Variants in DISC1 observed in about 807,000 individuals in gnomAD.
DISC1 encodes the protein disrupted in schizophrenia 1 protein.
Under a neutral mutation model 84.5 loss-of-function variants are expected in DISC1, and 57 were observed. The ratio of observed to expected loss-of-function variants is 0.67; its 90% CI spans 0.55 to 0.84. DISC1 has a LOEUF of 0.84. Among genes scored for constraint, DISC1 ranks in the 40% least tolerant of loss-of-function variants. The pLI is 0.00. For missense variants in DISC1, 1,000 were observed against 1,057.8 expected, an observed-to-expected ratio of 0.95 and a Z score of 0.76; for synonymous variants, 411 against 415.2, an observed-to-expected ratio of 0.99 and a Z score of 0.12.
chr1:232,009,247 A>C lies in DISC1; in HGVS notation c.2307+198A>C. 7.2e-7 allele frequency: 1 copy of C among 1,387,870 alleles called. No homozygotes were observed. The highest frequency in any genetic ancestry group is 9.3e-7 in the Non-Finnish European group (1 of 1,073,410). 86.0% of individuals were successfully genotyped at this position (1,387,870 alleles called of 1,614,324 possible). The stretch of plus-strand genomic sequence containing the variant: ...GAAGTTTGAAATATAGAAGAGCAAA[A>C]AAACCCAACTTTTGGCATATTTAGT... On this transcript the variant is annotated intron_variant, in intron 11 of 12. Transcript: ENST00000439617. The surrounding 1 kb of genome is among the most constrained non-coding windows in gnomAD (Gnocchi z 4.6).
In DISC1 at chr1:231,750,055, T is replaced by G; in HGVS notation, c.1247T>G (p.Leu416Trp). The change falls in exon 4 of 13, where the codon TTG (leucine) becomes TGG (tryptophan). Residue 416 changes from leucine (L) to tryptophan (W), a missense_variant. Leu to Trp is a moderately conservative substitution (Grantham distance 61, BLOSUM62 -2). Coordinates refer to ENST00000439617, the MANE Select transcript of DISC1 (RefSeq NM_018662.3). ...CTGGCAGCACAAGTCCAGGCTGCCT[T>G]GCGCCGTGGGGCCACTCAGCAGTGA... Reference protein sequence around the residue: ...GHLAAQVQAALRRGATQQASG... With the variant: ...GHLAAQVQAAWRRGATQQASG... 6.2e-6 allele frequency: 10 copies of G among 1,614,110 alleles called. No individual in the cohort carries two copies. Among genetic ancestry groups the G allele is most frequent in the Non-Finnish European group, 8.5e-6 (10 of 1,179,988 alleles).
At chr1:231,820,660 T>C (rs554273890) in intron 9 of DISC1, among the ~76,000 whole-genome samples, 69 of 152,322 alleles carry the variant, frequency 4.5e-4, no homozygotes, top group Middle Eastern at 3.4e-3. Flanking sequence ...CCAACCTGGC[T>C]GACCCAGCCA....
chr1:231,842,452 T>C lies in DISC1; in HGVS notation c.1981+23935T>C, dbSNP rs192901886. Among the ~76,000 whole-genome samples, 5 of 152,346 alleles carry C rather than the reference T, an allele frequency of 3.3e-5. No individual in the cohort carries two copies. In the East Asian group the frequency reaches 9.6e-4, roughly 29 times the overall value. ...GAGTGAGACTTGTGGAGTATGGTAT[T>C]TCAAAGTATTATTTATCCAACAGTC... On this transcript the variant is annotated intron_variant, in intron 9 of 12. Coordinates refer to ENST00000439617, the MANE Select transcript of DISC1 (RefSeq NM_018662.3).
At chr1:231,701,169 A>G (rs937729696) in intron 2 of DISC1, among the ~76,000 whole-genome samples, 2 of 152,208 alleles carry the variant, frequency 1.3e-5, no homozygotes, top group Non-Finnish European at 2.9e-5. Flanking sequence ...AGTGGCAGGC[A>G]AGAGGGCGCT....
At position 231,810,736 on chromosome 1, in the gene DISC1, T is replaced by C. The variant is rs567569372; in HGVS notation, c.1793-7593T>C. ...TCCTGTGTGCTTGGTCAGGGGACCA[T>C]ATTTGGCTTTCTCTGGTGGGTCCTA... On this transcript the variant is annotated intron_variant, in intron 8 of 12. Coordinates refer to ENST00000439617, the MANE Select transcript of DISC1 (RefSeq NM_018662.3). Among the ~76,000 whole-genome samples, 4 of 152,304 alleles carry C rather than the reference T, an allele frequency of 2.6e-5. No individual in the cohort carries two copies. In the East Asian group the frequency reaches 7.7e-4, roughly 29 times the overall value.
At chr1:231,836,005 C>T (rs377578197) in intron 9 of DISC1, among the ~76,000 whole-genome samples, 50 of 152,224 alleles carry the variant, frequency 3.3e-4, no homozygotes, top group African/African-American at 1.1e-3. Flanking sequence ...AGGGAACTGC[C>T]GCAATTGAGA....
chr1:231,811,553 CA>C (rs2080293766), intron 8 of DISC1, among the ~76,000 whole-genome samples: 1 of 152,116 alleles, frequency 6.6e-6, no homozygotes, highest in Non-Finnish European at 1.5e-5. Flanking sequence ...AAGTATAGTT[CA>C]AATGTGGATA....
intron 9 of DISC1, among the ~76,000 whole-genome samples, chr1:231,894,745 TTGTGTGTG>T (rs3222846): frequency 2.5e-3 from 367 of 144,586 alleles, no homozygotes; most frequent in East Asian, 6.3e-3. Context: ...GTGTCATCTG[TTGTGTGTG>T]TGTGTGTGTG....
intron 8 of DISC1, among the ~76,000 whole-genome samples, chr1:231,808,718 T>C (rs1013429429): frequency 1.3e-5 from 2 of 152,228 alleles, no homozygotes; most frequent in African/African-American, 4.8e-5. Flanking sequence ...TTATATGTCT[T>C]TGTGGCTCTT....
chr1:231,965,697 A>C (rs1451860939), intron 10 of DISC1, among the ~76,000 whole-genome samples: 2 of 152,236 alleles, frequency 1.3e-5, no homozygotes, highest in Non-Finnish European at 2.9e-5. Flanking sequence ...CCTCATCTGC[A>C]CCAGGTGACT....
At chr1:231,964,701 T>C (rs1348979795) in intron 10 of DISC1, among the ~76,000 whole-genome samples, 1 of 152,244 alleles carries the variant, frequency 6.6e-6, no homozygotes, top group African/African-American at 2.4e-5. Context: ...CCACTGATAA[T>C]CTGTCACCTT....
At chr1:231,960,452 C>T (rs1660234087) in intron 10 of DISC1, among the ~76,000 whole-genome samples, 4 of 152,046 alleles carry the variant, frequency 2.6e-5, no homozygotes. Context: ...GGAGTTTCAC[C>T]ATGTTAGTCA....
At chr1:231,656,917 T>A (rs997702522) in intron 1 of DISC1, among the ~76,000 whole-genome samples, 31 of 152,304 alleles carry the variant, frequency 2.0e-4, no homozygotes, top group African/African-American at 5.5e-4. Flanking sequence ...TTCTGGAGGA[T>A]AATGGCTTCC....
intron 9 of DISC1, among the ~76,000 whole-genome samples, chr1:231,864,797 A>G (rs2125932698): frequency 6.6e-6 from 1 of 152,332 alleles, no homozygotes; most frequent in East Asian, 1.9e-4. Context: ...ATTCTTGTAT[A>G]TTGTTCCTTC....
At chr1:231,884,890 G>T (rs2086574347) in intron 9 of DISC1, among the ~76,000 whole-genome samples, 1 of 152,122 alleles carries the variant, frequency 6.6e-6, no homozygotes, top group Admixed American at 6.5e-5. Context: ...ATGGGGGAAA[G>T]AATGCATTTA....
At chr1:231,983,048 G>A (rs1462549221) in intron 10 of DISC1, among the ~76,000 whole-genome samples, 1 of 152,130 alleles carries the variant, frequency 6.6e-6, no homozygotes, top group Non-Finnish European at 1.5e-5. Context: ...TGAGATACAG[G>A]GTTTCCTGCC....
At chr1:231,845,053 G>A (rs964059684) in intron 9 of DISC1, among the ~76,000 whole-genome samples, 1 of 152,180 alleles carries the variant, frequency 6.6e-6, no homozygotes, top group Non-Finnish European at 1.5e-5. Flanking sequence ...CAGGTGGCAG[G>A]CTTCAGAGAG....
At chr1:232,020,654 T>A (rs1668876044) in intron 11 of DISC1, among the ~76,000 whole-genome samples, 1 of 152,212 alleles carries the variant, frequency 6.6e-6, no homozygotes, top group East Asian at 1.9e-4. Flanking sequence ...CAACTCACTA[T>A]TTTGGCTTAA....
chr1:231,908,760 C>G (rs1320332256), intron 9 of DISC1, among the ~76,000 whole-genome samples: 4 of 152,162 alleles, frequency 2.6e-5, no homozygotes, highest in African/African-American at 7.2e-5. Flanking sequence ...TTACCTTGGG[C>G]AGTATGGCCA....
Sources: allele counts gnomAD v4.1 joint callset (sites outside exome capture counted in the v4.1 genomes callset), GRCh38; gene constraint gnomAD v4.1.1; non-coding constraint Gnocchi (gnomAD v3.1); transcripts MANE v1.5; gene names NCBI Gene and HGNC (gene_info 2026-07-23, HGNC 2026-07-21).